AGBL1: variants seen among roughly 807,000 people sequenced by gnomAD.
The protein encoded by AGBL1 is AGBL carboxypeptidase 1.
AGBL1 carries 130 observed loss-of-function variants against 118.9 expected under a neutral mutation model. The observed-to-expected ratio is 1.09, with a 90% CI of 0.95 to 1.26. The LOEUF is 1.26. Ranked by LOEUF, AGBL1 falls within the 50% of genes most tolerant of loss-of-function variation. The pLI is 0.00. For synonymous variants in AGBL1, 555 were observed against 478.9 expected, an observed-to-expected ratio of 1.16 and a Z score of -2.08; for missense variants, 1,584 against 1,298.1, an observed-to-expected ratio of 1.22 and a Z score of -3.38.
intron 22 of AGBL1, among the ~76,000 whole-genome samples, chr15:86,792,698 T>G (rs1164638669): frequency 6.6e-6 from 1 of 152,066 alleles, no homozygotes; most frequent in Non-Finnish European, 1.5e-5. Flanking sequence ...TTCCAGCACT[T>G]TGGGAGGCCG....
At chr15:86,575,640 G>C (rs2084080238) in intron 21 of AGBL1, among the ~76,000 whole-genome samples, 1 of 151,986 alleles carries the variant, frequency 6.6e-6, no homozygotes, top group African/African-American at 2.4e-5. Flanking sequence ...CCAGGCTGGA[G>C]TGTAGTAGTA....
intron 10 of AGBL1, among the ~76,000 whole-genome samples, chr15:86,264,008 G>C (rs186716195): frequency 6.6e-6 from 1 of 152,146 alleles, no homozygotes; most frequent in African/African-American, 2.4e-5. Context: ...TTAGTAGGGG[G>C]TCTTGAAGAC....
chr15:86,117,150 G>A (rs1897816023), intron 1 of AGBL1, among the ~76,000 whole-genome samples: 1 of 151,820 alleles, frequency 6.6e-6, no homozygotes, highest in Admixed American at 6.6e-5. Context: ...TGAGTGTTCT[G>A]GGGGTCCACA....
intron 18 of AGBL1, among the ~76,000 whole-genome samples, chr15:86,421,152 A>C (rs7167832): frequency 0.42 from 64,474 of 151,880 alleles, 14,293 homozygotes; most frequent in East Asian, 0.8. Context: ...ACCCTAAGAC[A>C]CATAACCGTC....
At chr15:86,953,333 G>C (rs567884324) in intron 23 of AGBL1, among the ~76,000 whole-genome samples, 1 of 149,972 alleles carries the variant, frequency 6.7e-6, no homozygotes, top group Non-Finnish European at 1.5e-5. Context: ...TGTAGTCTCT[G>C]ATTTCTTTTA....
chr15:86,345,293 T>C (rs1595994628), intron 17 of AGBL1, among the ~76,000 whole-genome samples: 1 of 152,098 alleles, frequency 6.6e-6, no homozygotes, highest in East Asian at 1.9e-4. Flanking sequence ...TTCAGGAGAC[T>C]CTGCTGCTGC....
At chr15:86,985,865 T>G (rs1269173973) in intron 23 of AGBL1, among the ~76,000 whole-genome samples, 1 of 152,180 alleles carries the variant, frequency 6.6e-6, no homozygotes, top group African/African-American at 2.4e-5. Context: ...CCATTTCGAG[T>G]TCGCTTTTGT....
chr15:86,179,430 T>C (rs1435966582), intron 5 of AGBL1, among the ~76,000 whole-genome samples: 2 of 152,182 alleles, frequency 1.3e-5, no homozygotes, highest in Non-Finnish European at 2.9e-5. Context: ...TTATATATGA[T>C]TGATTATATA....
rs550964811 is a variant in AGBL1 at position 86,968,197 on chromosome 15, G to T, written c.3222-19790G>T. On this transcript the variant is annotated intron_variant, in intron 23 of 24. Coordinates refer to the AGBL1 transcript ENST00000441037. ...GAGTAGTGACAATGACATTGGATTT[G>T]GAGTCAGAAAGAAGGCCTAGATTAC... is the stretch of plus-strand genomic sequence containing the variant. Among the ~76,000 whole-genome samples the T allele has an allele frequency of 2.0e-5, 3 of 151,930 alleles. No homozygotes were observed. In the South Asian group the frequency reaches 6.2e-4, roughly 31 times the overall value.
chr15:86,575,014 C>A (rs1223034044), intron 21 of AGBL1, among the ~76,000 whole-genome samples: 1 of 151,306 alleles, frequency 6.6e-6, no homozygotes, highest in Non-Finnish European at 1.5e-5. Flanking sequence ...TATGGTGAAA[C>A]CCCATCTCTA....
chr15:86,701,279 AG>A (rs925198021), intron 22 of AGBL1, among the ~76,000 whole-genome samples: 37 of 152,066 alleles, frequency 2.4e-4, no homozygotes, highest in African/African-American at 8.2e-4. Context: ...GCTTTTAGAG[AG>A]TGGTGTGTGT....
intron 18 of AGBL1, among the ~76,000 whole-genome samples, chr15:86,423,669 A>T (rs186160728): frequency 6.6e-6 from 1 of 152,352 alleles, no homozygotes; most frequent in East Asian, 1.9e-4. Context: ...CCTTAAGCTG[A>T]TAAGCAACTT....
At chr15:86,749,991 C>A (rs1242863828) in intron 22 of AGBL1, among the ~76,000 whole-genome samples, 1 of 152,004 alleles carries the variant, frequency 6.6e-6, no homozygotes, top group Non-Finnish European at 1.5e-5. Flanking sequence ...TGTGTCTCTG[C>A]CAGGCTTTGG....
chr15:86,951,208 G>A (rs2080877587), intron 23 of AGBL1, among the ~76,000 whole-genome samples: 1 of 152,160 alleles, frequency 6.6e-6, no homozygotes, highest in Non-Finnish European at 1.5e-5. Context: ...AATGTTAAGT[G>A]TTGGTGAGGA....
chr15:86,565,237 C>T (rs2083895248), intron 21 of AGBL1, among the ~76,000 whole-genome samples: 1 of 152,232 alleles, frequency 6.6e-6, no homozygotes, highest in Admixed American at 6.5e-5. Flanking sequence ...CTTTCCTGCT[C>T]TGTTTTTTCC....
chr15:86,875,579 A>AGATACAAT (rs1044145418), intron 22 of AGBL1, among the ~76,000 whole-genome samples: 40 of 152,226 alleles, frequency 2.6e-4, no homozygotes, highest in African/African-American at 9.4e-4. Flanking sequence ...ATAATATTAA[A>AGATACAAT]GATACAATGT....
intron 22 of AGBL1, among the ~76,000 whole-genome samples, chr15:86,719,130 G>GA (rs1479353736): frequency 6.6e-6 from 1 of 152,058 alleles, no homozygotes; most frequent in Admixed American, 6.5e-5. Flanking sequence ...AATATAACAA[G>GA]AAAAAATATG....
At chr15:86,313,790 A>C (rs2141828547) in intron 17 of AGBL1, among the ~76,000 whole-genome samples, 1 of 152,332 alleles carries the variant, frequency 6.6e-6, no homozygotes, top group South Asian at 2.1e-4. Context: ...TCTTGGAATA[A>C]CTTTAGAGAT....
chr15:86,092,533 G>GA (rs1447959275), intron 1 of AGBL1, among the ~76,000 whole-genome samples: 1 of 152,106 alleles, frequency 6.6e-6, no homozygotes, highest in African/African-American at 2.4e-5. Flanking sequence ...GCTTGTAATG[G>GA]ATTGAAGTCA....
Sources: allele counts gnomAD v4.1 joint callset (sites outside exome capture counted in the v4.1 genomes callset), GRCh38; gene constraint gnomAD v4.1.1; transcripts MANE v1.5; gene names NCBI Gene and HGNC (gene_info 2026-07-23, HGNC 2026-07-21).